The following CACNA1G variants were observed in gnomAD, a reference collection of about 807,000 sequenced individuals.
CACNA1G encodes calcium voltage-gated channel subunit alpha1 G.
CACNA1G carries 67 observed loss-of-function variants against 219.4 expected under a neutral mutation model. The ratio of observed to expected loss-of-function variants is 0.31; its 90% confidence interval spans 0.25 to 0.37. The LOEUF (loss-of-function observed/expected upper bound fraction) is 0.37. Among genes scored for constraint, CACNA1G ranks in the 10% least tolerant of loss-of-function variants. The pLI is 1.00. For synonymous variants in CACNA1G, 1,296 were observed against 1,345.3 expected, an observed-to-expected ratio of 0.96 and a Z score of 0.80; for missense variants, 2,380 against 3,231.4, an observed-to-expected ratio of 0.74 and a Z score of 6.39.
At chr17:50,615,548 C>T (rs1330773638) in intron 27 of CACNA1G, 36 bp downstream of exon 27, 1 of 1,601,724 alleles carries the variant, frequency 6.2e-7, no homozygotes, top group Non-Finnish European at 8.5e-7. Context: ...GGCCCCCCCA[C>T]CTCCAGCTGA....
chr17:50,608,735 A>G (rs2048503756), intron 25 of CACNA1G, among the ~76,000 whole-genome samples: 1 of 152,040 alleles, frequency 6.6e-6, no homozygotes, highest in African/African-American at 2.4e-5. Flanking sequence ...CCCTTATGCC[A>G]TGGGTGGGCC....
chr17:50,613,714 G>C (rs1463958786), intron 26 of CACNA1G, among the ~76,000 whole-genome samples: 1 of 152,234 alleles, frequency 6.6e-6, no homozygotes. Context: ...GGTGCTCTCG[G>C]CATTTATGGA....
intron 14 of CACNA1G, 81 bp downstream of exon 14, chr17:50,595,142 C>A: frequency 9.8e-7 from 1 of 1,016,050 alleles, no homozygotes; most frequent in Non-Finnish European, 1.5e-6. Context: ...TCTCTGTGCT[C>A]GTGTTCACGC....
intron 28 of CACNA1G, among the ~76,000 whole-genome samples, chr17:50,616,832 G>A (rs2050698803): frequency 1.3e-5 from 2 of 152,078 alleles, no homozygotes. Flanking sequence ...TTCCTATTTG[G>A]TTTTGAGGGT....
Position 50,621,593 on chromosome 17 carries a change from T to C in CACNA1G, c.5926-67T>C, listed in dbSNP as rs2052054520. On this transcript the variant is annotated intron_variant, in intron 34 of 37. Transcript: ENST00000359106. The surrounding 1 kb of genome is among the most constrained non-coding windows in gnomAD (Gnocchi z 4.6). ...AGTGGGGACTGAGAGAGAGCGCGTG[T>C]GTGCGTGTGCACGCGCGTGTGCGCT... 1.9e-6 allele frequency: 3 copies of C among 1,553,716 alleles called. No individual in the cohort carries two copies. The highest frequency in any genetic ancestry group is 1.7e-5 in the Admixed American group (1 of 58,846).
In CACNA1G at chr17:50,617,063, G is replaced by A. The variant is rs945286633; in HGVS notation, c.5022-375G>A. On this transcript the variant is annotated intron_variant, in intron 28 of 37. Coordinates refer to ENST00000359106, the MANE Select transcript of CACNA1G (RefSeq NM_018896.5). The surrounding 1 kb of genome is among the most constrained non-coding windows in gnomAD (Gnocchi z 5.8). The stretch of plus-strand genomic sequence containing the variant: ...AGGGTCTCACTATGTTGCCCAGGCT[G>A]TTCTCGAACTCCTGAGCTCAAGTGA... 3.9e-5 allele frequency among the ~76,000 whole-genome samples: 6 copies of A among 152,094 alleles called. No individual in the cohort carries two copies. Among genetic ancestry groups the A allele is most frequent in the African/African-American group, 9.7e-5 (4 of 41,394 alleles).
chr17:50,572,440 C>A, intron 5 of CACNA1G, 114 bp from the exon 6 acceptor site: 1 of 885,462 alleles, frequency 1.1e-6, no homozygotes, highest in Non-Finnish European at 1.7e-6. Flanking sequence ...ATTCTTGGTT[C>A]TGCCCTGCTC....
chr17:50,595,317 G>A (rs979976596), intron 14 of CACNA1G, among the ~76,000 whole-genome samples: 4 of 152,232 alleles, frequency 2.6e-5, no homozygotes, highest in African/African-American at 9.6e-5. Context: ...CAGACTGGTG[G>A]ATGGGCCGGA....
intron 9 of CACNA1G, among the ~76,000 whole-genome samples, chr17:50,584,526 G>A (rs2042614923): frequency 6.6e-6 from 1 of 151,666 alleles, no homozygotes; most frequent in African/African-American, 2.4e-5. Context: ...TCTGCTTTTA[G>A]GCACGGGGGA....
At chr17:50,570,738 T>C (rs2039244853) in intron 4 of CACNA1G, among the ~76,000 whole-genome samples, 1 of 152,076 alleles carries the variant, frequency 6.6e-6, no homozygotes, top group Admixed American at 6.5e-5. Context: ...TAGGCCTCTG[T>C]CTAACCACCG....
At chr17:50,591,655 C>A (rs1271448759) in intron 11 of CACNA1G, 35 bp downstream of exon 11, 1 of 1,610,466 alleles carries the variant, frequency 6.2e-7, no homozygotes, top group East Asian at 2.2e-5. Context: ...GGCTGAGAGA[C>A]CGGCCAGGCT....
chr17:50,623,182 AC>A (rs559552742), intron 35 of CACNA1G, among the ~76,000 whole-genome samples: 2 of 99,018 alleles, frequency 2.0e-5, no homozygotes, highest in South Asian at 3.4e-4. Context: ...TATAGCTTTG[AC>A]CCCCCCGGCT....
rs1174275487 is a variant in CACNA1G at position 50,605,976 on chromosome 17, A to G, written c.4375A>G (p.Ser1459Gly). The change falls in exon 23 of 38, where the codon AGT (serine) becomes GGT (glycine). Residue 1459 changes from serine (S) to glycine (G), a missense_variant. Around this residue, in one of 17 missense-constraint regions of CACNA1G, gnomAD observed 153 missense variants for 374.9 expected, o/e 0.41. Coordinates refer to ENST00000359106, the MANE Select transcript of CACNA1G (RefSeq NM_018896.5). The part of the protein sequence containing the change: ...ITNKSDCAEA[S>G]YRWVRHKYNF... ...CAATAAATCGGACTGTGCCGAGGCC[A>G]GTTACCGGTGGGTCCGGCACAAGTA... 1.9e-6 allele frequency: 3 copies of G among 1,613,896 alleles called. No homozygotes were observed. Among genetic ancestry groups the G allele is most frequent in the Non-Finnish European group, 2.5e-6 (3 of 1,179,906 alleles).
chr17:50,579,874 G>C (rs2041558199), intron 9 of CACNA1G, among the ~76,000 whole-genome samples: 1 of 152,162 alleles, frequency 6.6e-6, no homozygotes, highest in Non-Finnish European at 1.5e-5. Flanking sequence ...CTGGGTTGAG[G>C]CTGAGGGGCA....
At position 50,575,852 on chromosome 17, in the gene CACNA1G, C is replaced by T. The variant is rs369529312; in HGVS notation, c.1450C>T (p.Arg484Cys). ...GACCCAGCCCAGCAGCAGCTGCTCT[C>T]GCTCCCACCGCCGCCTATCCGTCCA... ...QETQPSSSCS[R>C]SHRRLSVHHL... Residue 484 changes from arginine to cysteine, a missense_variant, in exon 8 of 38, where the codon CGC (arginine) becomes TGC (cysteine). Arg to Cys is a radical substitution (Grantham distance 180). Transcript: ENST00000359106. 3.2e-5 allele frequency: 49 copies of T among 1,549,196 alleles called. No individual in the cohort carries two copies. The African/African-American group carries it at 3.3e-4, about 10-fold the overall frequency.
chr17:50,580,840 A>G (rs775319004), intron 9 of CACNA1G, among the ~76,000 whole-genome samples: 31 of 152,154 alleles, frequency 2.0e-4, no homozygotes, highest in Non-Finnish European at 4.1e-4. Flanking sequence ...TGCGGAGAGT[A>G]AGAAGTCCCA....
chr17:50,578,369 C>A lies in CACNA1G; in HGVS notation c.2106C>A (p.His702Gln). Residue 702 changes from histidine (H) to glutamine (Q), a missense_variant, in exon 9 of 38, where the codon CAC becomes CAA. This residue lies in a region of CACNA1G where 434 missense variants were observed against 417.3 expected (regional missense o/e 1.04). Coordinates refer to ENST00000359106, the MANE Select transcript of CACNA1G (RefSeq NM_018896.5). The surrounding 1 kb of genome is among the most constrained non-coding windows in gnomAD (Gnocchi z 4.5). ...AVYEFTQDAQ[H>Q]SDLRDPHSRR... ...ATGAGTTCACACAGGATGCCCAGCA[C>A]AGCGACCTCCGGGACCCCCACAGCC... 3.7e-6 allele frequency: 6 copies of A among 1,613,310 alleles called. No individual in the cohort carries two copies. Among genetic ancestry groups the A allele is most frequent in the Non-Finnish European group, 5.1e-6 (6 of 1,179,872 alleles).
intron 9 of CACNA1G, among the ~76,000 whole-genome samples, chr17:50,580,573 G>A (rs1042740329): frequency 2.6e-5 from 4 of 152,174 alleles, no homozygotes; most frequent in African/African-American, 4.8e-5. Flanking sequence ...CAAGAAGGAC[G>A]CCCCTTTGGA....
intron 1 of CACNA1G, among the ~76,000 whole-genome samples, chr17:50,565,847 G>T (rs1442370805): frequency 6.6e-6 from 1 of 152,216 alleles, no homozygotes; most frequent in Non-Finnish European, 1.5e-5. Flanking sequence ...GAGGAGGGAT[G>T]GAAGTGGGGT....
Sources: gnomAD v4.1 joint callset for allele counts (sites outside exome capture counted in the v4.1 genomes callset) on GRCh38, gnomAD v4.1.1 for gene constraint, gnomAD v4.1.1 regional missense constraint, Gnocchi (gnomAD v3.1) non-coding constraint, MANE v1.5 for transcripts, NCBI Gene and HGNC (gene_info 2026-07-23, HGNC 2026-07-21) for gene names.